The following PCLO variants were observed in gnomAD, a reference collection of about 807,000 sequenced individuals.
PCLO encodes piccolo presynaptic cytomatrix protein.
Under a neutral mutation model 427.5 loss-of-function variants are expected in PCLO, and 82 were observed. That is an observed-to-expected ratio of 0.19 (90% CI 0.16 to 0.23). The LOEUF (loss-of-function observed/expected upper bound fraction) is 0.23. Among genes scored for constraint, PCLO ranks in the 10% least tolerant of loss-of-function variants. The pLI, the probability that PCLO is intolerant of heterozygous loss-of-function variation, is 1.00. For synonymous variants in PCLO, 2,357 were observed against 2,155.4 expected, an observed-to-expected ratio of 1.09 and a Z score of -2.59; for missense variants, 6,239 against 6,115.9, an observed-to-expected ratio of 1.02 and a Z score of -0.67.
chr7:83,152,197 C>A (rs1371253173), intron 2 of PCLO, among the ~76,000 whole-genome samples: 1 of 152,100 alleles, frequency 6.6e-6, no homozygotes, highest in African/African-American at 2.4e-5. Flanking sequence ...ATCTCCTGAC[C>A]TCGTGATCTG....
intron 6 of PCLO, 46 bp from the exon 7 acceptor site, chr7:82,916,919 TAAA>T (rs1794481895): frequency 7.7e-7 from 1 of 1,301,254 alleles, no homozygotes; most frequent in African/African-American, 1.5e-5. Flanking sequence ...TAAAGAAAAA[TAAA>T]AACCAAATCT....
At chr7:83,100,435 G>C (rs1308460764) in intron 3 of PCLO, among the ~76,000 whole-genome samples, 2 of 152,162 alleles carry the variant, frequency 1.3e-5, no homozygotes, top group Non-Finnish European at 2.9e-5. Flanking sequence ...ACTGGATAAA[G>C]AAAATGTGGT....
At chr7:82,965,384 G>A (rs1337946634) in intron 4 of PCLO, among the ~76,000 whole-genome samples, 3 of 139,544 alleles carry the variant, frequency 2.1e-5, no homozygotes, top group Non-Finnish European at 4.5e-5. Flanking sequence ...TGACTCTTAC[G>A]TAAACAAATG....
chr7:83,103,914 T>G (rs1424257130), intron 3 of PCLO, among the ~76,000 whole-genome samples: 1 of 151,980 alleles, frequency 6.6e-6, no homozygotes, highest in Non-Finnish European at 1.5e-5. Flanking sequence ...AAAAATAAAA[T>G]TACAATTTCA....
chr7:82,876,582 T>A (rs1490778494), intron 10 of PCLO, among the ~76,000 whole-genome samples: 1 of 152,052 alleles, frequency 6.6e-6, no homozygotes, highest in Non-Finnish European at 1.5e-5. Flanking sequence ...AGCTAGTTAA[T>A]CTTTGGATAT....
chr7:82,771,158 A>G (rs1453030909), intron 22 of PCLO, among the ~76,000 whole-genome samples: 2 of 151,942 alleles, frequency 1.3e-5, no homozygotes, highest in African/African-American at 4.8e-5. Context: ...GCTTGGATAA[A>G]TTAGCCTGCT....
At chr7:82,782,358 C>G (rs1348902762) in intron 22 of PCLO, among the ~76,000 whole-genome samples, 1 of 152,160 alleles carries the variant, frequency 6.6e-6, no homozygotes, top group African/African-American at 2.4e-5. Flanking sequence ...ACATTCCCTT[C>G]CTTTTCCAGA....
At chr7:82,852,702 A>G (rs1177759858) in intron 10 of PCLO, among the ~76,000 whole-genome samples, 1 of 152,018 alleles carries the variant, frequency 6.6e-6, no homozygotes, top group African/African-American at 2.4e-5. Context: ...TCTCCTTAAT[A>G]AACTCCCTTT....
chr7:83,047,270 T>C (rs1435767163), intron 3 of PCLO, among the ~76,000 whole-genome samples: 1 of 152,064 alleles, frequency 6.6e-6, no homozygotes, highest in Non-Finnish European at 1.5e-5. Context: ...TTGCTTATCA[T>C]CTACCTACAA....
intron 6 of PCLO, among the ~76,000 whole-genome samples, chr7:82,938,450 TC>T (rs1795006339): frequency 6.6e-6 from 1 of 150,548 alleles, no homozygotes; most frequent in Non-Finnish European, 1.5e-5. Flanking sequence ...CTCCTTTTTC[TC>T]TTCCTTTTAG....
intron 3 of PCLO, among the ~76,000 whole-genome samples, chr7:83,000,767 T>C (rs2115919277): frequency 6.6e-6 from 1 of 152,040 alleles, no homozygotes; most frequent in South Asian, 2.1e-4. Flanking sequence ...AGGAAACTAA[T>C]AGGTATTAAC....
At chr7:82,826,413 C>A (rs1032342004) in intron 18 of PCLO, among the ~76,000 whole-genome samples, 176 bp downstream of exon 18, 1 of 151,994 alleles carries the variant, frequency 6.6e-6, no homozygotes, top group Non-Finnish European at 1.5e-5. Context: ...GAGTGAAAAC[C>A]ATTTCTTGAA....
At chr7:82,930,035 T>C (rs1029067469) in intron 6 of PCLO, among the ~76,000 whole-genome samples, 4 of 152,180 alleles carry the variant, frequency 2.6e-5, no homozygotes, top group African/African-American at 7.2e-5. Flanking sequence ...AACTTTAACA[T>C]GATAAACTTT....
intron 22 of PCLO, among the ~76,000 whole-genome samples, chr7:82,766,113 T>G (rs1044456202): frequency 6.6e-6 from 1 of 152,066 alleles, no homozygotes; most frequent in Non-Finnish European, 1.5e-5. Context: ...GAATTATTAC[T>G]AAATCCCCCA....
At chr7:82,843,165 T>C (rs1258074307) in intron 13 of PCLO, among the ~76,000 whole-genome samples, 3 of 152,140 alleles carry the variant, frequency 2.0e-5, no homozygotes, top group East Asian at 1.9e-4. Flanking sequence ...TGTCTATCAA[T>C]TGATGATTAG....
intron 18 of PCLO, 30 bp downstream of exon 18, chr7:82,826,559 C>T: frequency 6.9e-7 from 1 of 1,451,404 alleles, no homozygotes; most frequent in Non-Finnish European, 9.6e-7. Context: ...ACCATAGCAG[C>T]AAATAAGGGA....
At chr7:83,143,444 A>T (rs541660588) in intron 2 of PCLO, among the ~76,000 whole-genome samples, 1 of 152,206 alleles carries the variant, frequency 6.6e-6, no homozygotes, top group African/African-American at 2.4e-5. Context: ...AATTGAATGG[A>T]CATCTCCTCT....
intron 3 of PCLO, among the ~76,000 whole-genome samples, chr7:83,044,468 TTGAG>T (rs1789056235): frequency 6.6e-6 from 1 of 152,294 alleles, no homozygotes; most frequent in Admixed American, 6.5e-5. Context: ...AACTGGTTGT[TTGAG>T]TGGTTAAAAT....
chr7:83,128,423 A>T (rs1449745097), intron 3 of PCLO, among the ~76,000 whole-genome samples: 2 of 152,116 alleles, frequency 1.3e-5, no homozygotes, highest in African/African-American at 4.8e-5. Context: ...AGAACATCCT[A>T]ATTTGAGTTA....
Sources: allele counts gnomAD v4.1 joint callset (sites outside exome capture counted in the v4.1 genomes callset), GRCh38; gene constraint gnomAD v4.1.1; transcripts MANE v1.5; gene names NCBI Gene and HGNC (gene_info 2026-07-23, HGNC 2026-07-21).